The following PNKD variants were observed in gnomAD, a reference collection of about 807,000 sequenced individuals.
PNKD encodes the protein probable thioesterase PNKD.
A neutral mutation model predicts 45.3 loss-of-function variants in PNKD; 36 were observed. The ratio of observed to expected loss-of-function variants is 0.80; its 90% confidence interval spans 0.61 to 1.05. The LOEUF is 1.05. Among genes scored for constraint, PNKD ranks in the 50% least tolerant of loss-of-function variants. The pLI is 0.00. For missense variants in PNKD, 511 were observed against 506.6 expected, an observed-to-expected ratio of 1.01 and a Z score of -0.08; for synonymous variants, 197 against 210.1, an observed-to-expected ratio of 0.94 and a Z score of 0.54.
At chr2:218,319,867 A>G (rs1693937898) in intron 2 of PNKD, among the ~76,000 whole-genome samples, 1 of 152,244 alleles carries the variant, frequency 6.6e-6, no homozygotes, top group African/African-American at 2.4e-5. Context: ...CTCAAGATAC[A>G]GGTTATTTCC....
chr2:218,331,907 A>C (rs1302264695), intron 2 of PNKD, among the ~76,000 whole-genome samples: 1 of 152,116 alleles, frequency 6.6e-6, no homozygotes, highest in Non-Finnish European at 1.5e-5. Flanking sequence ...CAGTTTTCCA[A>C]GGTCTGAGTA....
At chr2:218,334,926 C>T (rs973502750) in intron 2 of PNKD, among the ~76,000 whole-genome samples, 1 of 151,430 alleles carries the variant, frequency 6.6e-6, no homozygotes, top group Non-Finnish European at 1.5e-5. Flanking sequence ...AGAGTGTGCT[C>T]TTGTGTGTTA....
intron 2 of PNKD, among the ~76,000 whole-genome samples, chr2:218,315,077 T>TTCCTTC (rs1191401028): frequency 1.8e-4 from 13 of 72,820 alleles, no homozygotes; most frequent in African/African-American, 3.7e-4. Context: ...TTCCTTCCTT[T>TTCCTTC]CTTTCTCTCT....
At chr2:218,341,668 C>G (rs143720532) in intron 6 of PNKD, 42 bp downstream of exon 6, 1 of 1,370,392 alleles carries the variant, frequency 7.3e-7, no homozygotes, top group African/African-American at 1.4e-5. Context: ...TTCCATGGGC[C>G]CTTTCCCCCA....
At chr2:218,338,790 G>T (rs1333344023) in intron 2 of PNKD, among the ~76,000 whole-genome samples, 1 of 87,542 alleles carries the variant, frequency 1.1e-5, no homozygotes, top group Non-Finnish European at 2.3e-5. Flanking sequence ...AGCCTCAGAT[G>T]ATTTTTTTTT....
At chr2:218,273,665 A>AC (rs1491314582) in intron 2 of PNKD, among the ~76,000 whole-genome samples, 1 of 134,608 alleles carries the variant, frequency 7.4e-6, no homozygotes, top group Admixed American at 7.5e-5. Context: ...TTTTTTTTGT[A>AC]CTTTTAGTAG....
chr2:218,327,573 C>T (rs775489476), intron 2 of PNKD, among the ~76,000 whole-genome samples: 3 of 152,102 alleles, frequency 2.0e-5, no homozygotes, highest in Admixed American at 6.6e-5. Flanking sequence ...CTGCCTGGTT[C>T]GTCTTCAAAG....
chr2:218,272,693 G>A lies in PNKD; in HGVS notation c.236+1144G>A. The A allele has an allele frequency of 2.5e-6, 4 of 1,614,222 alleles. 1 individual carries two copies. The South Asian group carries it at 4.4e-5, about 18-fold the overall frequency. On this transcript the variant is annotated intron_variant, in intron 2 of 9. Transcript: ENST00000273077. ...GGTTGTCCAACACGGGCGAGTATGAGAGCCAGAGGTTCAGGGCTTCCTCCC... is the reference window on the plus strand; with the variant it reads ...GGTTGTCCAACACGGGCGAGTATGAAAGCCAGAGGTTCAGGGCTTCCTCCC...
intron 2 of PNKD, among the ~76,000 whole-genome samples, chr2:218,321,869 G>A (rs62183964): frequency 0.59 from 88,787 of 149,850 alleles, 26,701 homozygotes; most frequent in South Asian, 0.68. Flanking sequence ...CTAGCGATCC[G>A]CAGGCCTCAG....
Position 218,307,426 on chromosome 2 carries a change from G to A in PNKD, c.237-32357G>A, listed in dbSNP as rs554148777. ...TCCCATCTGGGATTGATGGGAGACA[G>A]TGACAGATCATCAGGCATTAGATTC... On this transcript the variant is annotated intron_variant, in intron 2 of 9. Transcript: ENST00000273077. 5.4e-4 allele frequency among the ~76,000 whole-genome samples: 83 copies of A among 152,336 alleles called. 1 individual carries two copies. Among genetic ancestry groups the A allele is most frequent in the African/African-American group, 1.7e-3 (72 of 41,580 alleles).
intron 2 of PNKD, among the ~76,000 whole-genome samples, chr2:218,338,938 G>A (rs1227005081): frequency 1.3e-5 from 2 of 151,698 alleles, no homozygotes; most frequent in East Asian, 2.0e-4. Context: ...GACCACAGGC[G>A]TGTGCCACCA....
rs530416587 is a variant in PNKD, at chr2:218,315,221, G to A, written c.237-24562G>A. Among the ~76,000 whole-genome samples the A allele has an allele frequency of 1.2e-4, 18 of 150,214 alleles. No individual in the cohort carries two copies. The South Asian group carries it at 3.8e-3, about 32-fold the overall frequency. On this transcript the variant is annotated intron_variant, in intron 2 of 9. Coordinates refer to ENST00000273077, the MANE Select transcript of PNKD (RefSeq NM_015488.5). Reference sequence around the variant, plus strand: ...CAGTGGCGTGATCTCAGCTCACTGTGACCTCTGCCTCCCAGGTTCAAGCTA... The same window carrying A: ...CAGTGGCGTGATCTCAGCTCACTGTAACCTCTGCCTCCCAGGTTCAAGCTA...
At chr2:218,330,372 G>C (rs1694284252) in intron 2 of PNKD, among the ~76,000 whole-genome samples, 1 of 152,208 alleles carries the variant, frequency 6.6e-6, no homozygotes, top group African/African-American at 2.4e-5. Flanking sequence ...CCAGAGGGAG[G>C]GGCGTCTGGG....
At chr2:218,333,703 C>G (rs1406026694) in intron 2 of PNKD, among the ~76,000 whole-genome samples, 1 of 152,142 alleles carries the variant, frequency 6.6e-6, no homozygotes, top group East Asian at 1.9e-4. Flanking sequence ...TTGCCAGAGC[C>G]TCTGTTCTTT....
At chr2:218,282,201 A>C in intron 2 of PNKD, 2 of 1,340,006 alleles carry the variant, frequency 1.5e-6, no homozygotes, top group Non-Finnish European at 2.0e-6. Flanking sequence ...GAGAGGAGAA[A>C]AGCAATCGTG....
In PNKD at chr2:218,326,244, T is replaced by C. The variant is rs996964014; in HGVS notation, c.237-13539T>C. ...TTGACCATGTTATCATTAGTAATCA[T>C]CATCCCTGGTGTTTGGCAATTTAAT... On this transcript the variant is annotated intron_variant, in intron 2 of 9. Coordinates refer to ENST00000273077, the MANE Select transcript of PNKD (RefSeq NM_015488.5). The surrounding 1 kb of genome is among the most constrained non-coding windows in gnomAD (Gnocchi z 4.1). Among the ~76,000 whole-genome samples, 3 of 152,158 alleles carry C rather than the reference T, an allele frequency of 2.0e-5. No individual in the cohort carries two copies. The highest frequency in any genetic ancestry group is 1.3e-4 in the Admixed American group (2 of 15,270).
chr2:218,329,476 G>T (rs1425127181), intron 2 of PNKD, among the ~76,000 whole-genome samples: 1 of 152,254 alleles, frequency 6.6e-6, no homozygotes, highest in Non-Finnish European at 1.5e-5. Context: ...CCCAGCCAGG[G>T]CTGAGACCAT....
Position 218,271,473 on chromosome 2 carries a change from G to A in PNKD, c.160G>A (p.Glu54Lys). 6.2e-7 allele frequency: 1 copy of A among 1,614,160 alleles called. No homozygotes were observed. The highest frequency in any genetic ancestry group is 8.5e-7 in the Non-Finnish European group (1 of 1,180,004). Reference sequence around the variant, plus strand: ...CTCCCCAGAGGGCAAGGAGGAACCTGAACCCCTATCCCCGGAGCTGGAATA... The same window carrying A: ...CTCCCCAGAGGGCAAGGAGGAACCTAAACCCCTATCCCCGGAGCTGGAATA... ...HSSPEGKEEP[E>K]PLSPELEYIP... Residue 54 changes from glutamate to lysine, a missense_variant, in exon 2 of 10, where the codon GAA (glutamate) becomes AAA (lysine). Coordinates refer to ENST00000273077, the MANE Select transcript of PNKD (RefSeq NM_015488.5).
At chr2:218,301,027 GCAT>G (rs1693255608) in intron 2 of PNKD, among the ~76,000 whole-genome samples, 1 of 152,034 alleles carries the variant, frequency 6.6e-6, no homozygotes, top group Admixed American at 6.6e-5. Context: ...ACTGAAATAA[GCAT>G]CAAGGTTTAT....
Sources: gnomAD v4.1 joint callset for allele counts (sites outside exome capture counted in the v4.1 genomes callset) on GRCh38, gnomAD v4.1.1 for gene constraint, Gnocchi (gnomAD v3.1) non-coding constraint, MANE v1.5 for transcripts, NCBI Gene and HGNC (gene_info 2026-07-23, HGNC 2026-07-21) for gene names.